The following TIAM1 variants were observed in gnomAD, a reference collection of about 807,000 sequenced individuals.
TIAM1 encodes the protein rho guanine nucleotide exchange factor TIAM1.
A neutral mutation model predicts 163.5 loss-of-function variants in TIAM1; 65 were observed. The observed-to-expected ratio is 0.40, with a 90% confidence interval of 0.33 to 0.49. The LOEUF (loss-of-function observed/expected upper bound fraction) is 0.49. TIAM1 is among the 20% of genes least tolerant of loss of function. The probability of loss-of-function intolerance (pLI) is 0.77; values close to 1 mark genes in which losing one functional copy is unlikely to be tolerated. For missense variants in TIAM1, 1,789 were observed against 2,044.7 expected, an observed-to-expected ratio of 0.87 and a Z score of 2.41; for synonymous variants, 833 against 810.1, an observed-to-expected ratio of 1.03 and a Z score of -0.48.
At chr21:31,241,608 G>A (rs2071180539) in intron 6 of TIAM1, among the ~76,000 whole-genome samples, 1 of 152,016 alleles carries the variant, frequency 6.6e-6, no homozygotes, top group Non-Finnish European at 1.5e-5. Context: ...AGCAAATCCT[G>A]GAGGATGGGA....
chr21:31,534,832 T>TA (rs1299318358), intron 1 of TIAM1, among the ~76,000 whole-genome samples: 4 of 152,140 alleles, frequency 2.6e-5, no homozygotes, highest in African/African-American at 4.8e-5. Context: ...GTCATAAAAT[T>TA]AATCCAGGGC....
intron 18 of TIAM1, 32 bp from the exon 19 acceptor site, chr21:31,152,793 T>TA: frequency 6.2e-7 from 1 of 1,610,462 alleles, no homozygotes; most frequent in Non-Finnish European, 8.5e-7. Context: ...ATGCACCTCA[T>TA]ATCTCATTAG....
intron 23 of TIAM1, among the ~76,000 whole-genome samples, chr21:31,131,532 G>A (rs1025608201): frequency 2.6e-5 from 4 of 152,102 alleles, no homozygotes; most frequent in South Asian, 2.1e-4. Context: ...ATATTCTTTC[G>A]GGGGTGGGGA....
At chr21:31,401,092 A>G (rs1455815968) in intron 2 of TIAM1, among the ~76,000 whole-genome samples, 1 of 152,134 alleles carries the variant, frequency 6.6e-6, no homozygotes, top group Non-Finnish European at 1.5e-5. Flanking sequence ...AAATAAATAA[A>G]TAAAGTGGAA....
chr21:31,121,607 T>C (rs1308405882), intron 27 of TIAM1, among the ~76,000 whole-genome samples: 1 of 152,180 alleles, frequency 6.6e-6, no homozygotes, highest in African/African-American at 2.4e-5. Flanking sequence ...TTACAGTCTG[T>C]GTATCACTCA....
chr21:31,382,775 A>C (rs545777048), intron 2 of TIAM1, among the ~76,000 whole-genome samples: 137 of 152,344 alleles, frequency 9.0e-4, no homozygotes, highest in African/African-American at 3.1e-3. Context: ...TAAAAAAATT[A>C]ATGAAAGCAT....
chr21:31,391,699 C>G (rs2833393), intron 2 of TIAM1, among the ~76,000 whole-genome samples: 42,933 of 152,086 alleles, frequency 0.28, 6,386 homozygotes, highest in Middle Eastern at 0.48. Context: ...CAATTTGTTA[C>G]CTGGACTTAC....
chr21:31,253,423 G>A (rs1416304196), intron 4 of TIAM1, among the ~76,000 whole-genome samples: 2 of 152,152 alleles, frequency 1.3e-5, no homozygotes, highest in Non-Finnish European at 2.9e-5. Flanking sequence ...AGGCAATGGG[G>A]GCAGTATGAG....
intron 1 of TIAM1, among the ~76,000 whole-genome samples, chr21:31,544,137 G>A (rs954410787): frequency 6.6e-6 from 1 of 152,000 alleles, no homozygotes; most frequent in Non-Finnish European, 1.5e-5. Context: ...TTGAACCTGG[G>A]AGGCGGAGGT....
chr21:31,539,399 G>T (rs2048247934), intron 1 of TIAM1, among the ~76,000 whole-genome samples: 1 of 150,884 alleles, frequency 6.6e-6, no homozygotes, highest in African/African-American at 2.5e-5. Flanking sequence ...CCGAGTAGCT[G>T]GGACTACAGG....
In TIAM1 at chr21:31,251,925, C is replaced by T. The variant is rs1384079791; in HGVS notation, c.1228G>A (p.Asp410Asn). 1.9e-6 allele frequency: 3 copies of T among 1,613,766 alleles called. No individual in the cohort carries two copies. The highest frequency in any genetic ancestry group is 1.3e-5 in the African/African-American group (1 of 75,062). Residue 410 changes from aspartate to asparagine, a missense_variant, in exon 5 of 28, where the codon GAT (aspartate) becomes AAT (asparagine). Around this residue, in one of 5 missense-constraint regions of TIAM1, gnomAD observed 555 missense variants for 564.9 expected, o/e 0.98. Transcript: ENST00000541036. ...SLEEAGSAHSDEQSSGTLSSP... is the reference protein window; with the variant it reads ...SLEEAGSAHSNEQSSGTLSSP... ...CTCAGGGTGCCGCTGCTCTGCTCAT[C>T]GCTGTGCGCCGAGCCGGCCTCCTCC...
intron 2 of TIAM1, among the ~76,000 whole-genome samples, chr21:31,278,321 A>T (rs1012448176): frequency 1.3e-5 from 2 of 152,234 alleles, no homozygotes; most frequent in African/African-American, 4.8e-5. Context: ...TTAACATGGA[A>T]AATCAATGGA....
chr21:31,351,926 G>A (rs2076240765), intron 2 of TIAM1, among the ~76,000 whole-genome samples: 1 of 151,950 alleles, frequency 6.6e-6, no homozygotes, highest in South Asian at 2.1e-4. Context: ...AAATTAGCCG[G>A]GTGTGGTGGT....
chr21:31,551,686 T>C (rs2048693097), intron 1 of TIAM1, among the ~76,000 whole-genome samples: 1 of 152,084 alleles, frequency 6.6e-6, no homozygotes, highest in Non-Finnish European at 1.5e-5. Flanking sequence ...GAGGCTGCAG[T>C]GAGCCGTGAC....
intron 1 of TIAM1, among the ~76,000 whole-genome samples, chr21:31,528,116 TAGGGAGATTAAGGGAGC>T (rs2047846481): frequency 6.6e-6 from 1 of 152,058 alleles, no homozygotes; most frequent in Non-Finnish European, 1.5e-5. Flanking sequence ...AAGAGATAAC[TAGGGAGATTAAGGGAGC>T]AGGGAGGGGG....
intron 2 of TIAM1, among the ~76,000 whole-genome samples, chr21:31,313,694 C>T (rs1179350575): frequency 6.6e-6 from 1 of 152,190 alleles, no homozygotes; most frequent in Non-Finnish European, 1.5e-5. Flanking sequence ...CCTGCCTCAG[C>T]CTCCCAAGTA....
chr21:31,402,247 A>T (rs2077178562), intron 2 of TIAM1, among the ~76,000 whole-genome samples: 1 of 151,978 alleles, frequency 6.6e-6, no homozygotes. Flanking sequence ...TGGAATTGAG[A>T]CACTGTGAGA....
intron 12 of TIAM1, among the ~76,000 whole-genome samples, chr21:31,196,999 C>A (rs2085892512): frequency 1.3e-5 from 2 of 152,016 alleles, no homozygotes; most frequent in African/African-American, 4.8e-5. Flanking sequence ...GAACAGAAAA[C>A]CAAATACCTT....
chr21:31,540,477 G>A (rs758559545), intron 1 of TIAM1, among the ~76,000 whole-genome samples: 16 of 152,108 alleles, frequency 1.1e-4, no homozygotes, highest in African/African-American at 3.6e-4. Flanking sequence ...GGTGGCTCAC[G>A]CCTATAATCC....
Sources: gnomAD v4.1 joint callset for allele counts (sites outside exome capture counted in the v4.1 genomes callset) on GRCh38, gnomAD v4.1.1 for gene constraint, gnomAD v4.1.1 regional missense constraint, MANE v1.5 for transcripts, NCBI Gene and HGNC (gene_info 2026-07-23, HGNC 2026-07-21) for gene names.